The following ZFHX4 variants were observed in gnomAD, a reference collection of about 807,000 sequenced individuals.
ZFHX4 encodes zinc finger homeobox protein 4.
Under a neutral mutation model 267.6 loss-of-function variants are expected in ZFHX4, and 56 were observed. The ratio of observed to expected loss-of-function variants is 0.21; its 90% CI spans 0.17 to 0.26. The LOEUF (loss-of-function observed/expected upper bound fraction) is 0.26, where lower values mean the gene tolerates loss of function less well. Ranked by LOEUF, ZFHX4 falls within the 10% of genes least tolerant of loss-of-function variation. The pLI, the probability that ZFHX4 is intolerant of heterozygous loss-of-function variation, is 1.00. For missense variants in ZFHX4, 4,332 were observed against 4,420.0 expected, an observed-to-expected ratio of 0.98 and a Z score of 0.56; for synonymous variants, 1,778 against 1,665.6, an observed-to-expected ratio of 1.07 and a Z score of -1.64.
At chr8:76,731,978 A>T (rs1173315296) in intron 3 of ZFHX4, among the ~76,000 whole-genome samples, 2 of 151,684 alleles carry the variant, frequency 1.3e-5, no homozygotes, top group African/African-American at 4.8e-5. Flanking sequence ...AGTAACTGGG[A>T]CTACAGGTGT....
intron 3 of ZFHX4, among the ~76,000 whole-genome samples, chr8:76,776,561 A>G (rs1342989243): frequency 6.6e-6 from 1 of 152,184 alleles, no homozygotes; most frequent in Non-Finnish European, 1.5e-5. Flanking sequence ...TAAGGAAAGA[A>G]AAGCTTACCT....
chr8:76,850,999 T>G lies in ZFHX4; in HGVS notation c.4078T>G (p.Trp1360Gly). ...PTKEPLEVSE[W>G]NKNSSKDVKI... Reference sequence around the variant, plus strand: ...TAAAGAACCCTTGGAAGTCTCAGAATGGAATAAAAATAGCAGTAAGGATGT... The same window carrying G: ...TAAAGAACCCTTGGAAGTCTCAGAAGGGAATAAAAATAGCAGTAAGGATGT... The change falls in exon 10 of 11, where the codon TGG (tryptophan) becomes GGG (glycine). Residue 1360 changes from tryptophan to glycine, a missense_variant. Coordinates refer to ENST00000651372, the MANE Select transcript of ZFHX4 (RefSeq NM_024721.5). 6.2e-7 allele frequency: 1 copy of G among 1,613,702 alleles called. No homozygotes were observed. Among genetic ancestry groups the G allele is most frequent in the Non-Finnish European group, 8.5e-7 (1 of 1,179,818 alleles).
intron 4 of ZFHX4, among the ~76,000 whole-genome samples, chr8:76,815,764 G>A (rs1222690058): frequency 2.6e-5 from 4 of 152,236 alleles, no homozygotes; most frequent in East Asian, 1.9e-4. Flanking sequence ...GTCTCCCAAA[G>A]TGCTGAGATC....
chr8:76,804,528 A>G (rs1239795120), intron 4 of ZFHX4, among the ~76,000 whole-genome samples: 5 of 152,132 alleles, frequency 3.3e-5, no homozygotes, highest in African/African-American at 1.2e-4. Context: ...AAATCTATAT[A>G]CTGAAGAAAA....
intron 4 of ZFHX4, among the ~76,000 whole-genome samples, chr8:76,819,142 G>GTTTT (rs11361228): frequency 7.8e-6 from 1 of 127,614 alleles, no homozygotes; most frequent in African/African-American, 2.9e-5. Flanking sequence ...GCTCATAAAG[G>GTTTT]TTTTTTTTTT....
intron 4 of ZFHX4, among the ~76,000 whole-genome samples, chr8:76,830,761 A>T (rs1483092135): frequency 6.6e-6 from 1 of 152,186 alleles, no homozygotes; most frequent in African/African-American, 2.4e-5. Context: ...TTAAATCACT[A>T]TCAAATGAAG....
chr8:76,863,438 C>T lies in ZFHX4; in HGVS notation c.9724C>T (p.Gln3242Ter), dbSNP rs1323855559. 6.2e-7 allele frequency: 1 copy of T among 1,613,932 alleles called. No homozygotes were observed. The highest frequency in any genetic ancestry group is 8.5e-7 in the Non-Finnish European group (1 of 1,179,870). ...AGGTGAAACACATGTCGATCCTATT[C>T]AGTTGCAGGCATTACAGAATGCAAT... ...VVGETHVDPIQLQALQNAIAG... is the reference protein window; with the variant it reads ...VVGETHVDPI Residue 3242 changes from glutamine to a stop codon, truncating the protein, a stop_gained, in exon 11 of 11, where the codon CAG (glutamine) becomes TAG (stop). Coordinates refer to ENST00000651372, the MANE Select transcript of ZFHX4 (RefSeq NM_024721.5). LOFTEE classifies it high-confidence loss of function.
intron 4 of ZFHX4, among the ~76,000 whole-genome samples, chr8:76,780,447 T>A (rs1195410800): frequency 6.6e-6 from 1 of 152,072 alleles, no homozygotes; most frequent in Admixed American, 6.6e-5. Context: ...TAGGGAAAAA[T>A]TCTTGTAATA....
At chr8:76,843,300 C>A (rs1432535803) in intron 6 of ZFHX4, among the ~76,000 whole-genome samples, 2 of 152,054 alleles carry the variant, frequency 1.3e-5, no homozygotes, top group African/African-American at 4.8e-5. Flanking sequence ...GTATTTCAAA[C>A]AAAATCCAGT....
intron 3 of ZFHX4, among the ~76,000 whole-genome samples, chr8:76,766,694 G>A (rs1055833532): frequency 6.6e-5 from 10 of 151,866 alleles, no homozygotes; most frequent in Non-Finnish European, 1.2e-4. Flanking sequence ...ACATAGAGTG[G>A]AGGCTAGCAG....
intron 3 of ZFHX4, among the ~76,000 whole-genome samples, chr8:76,760,921 C>T (rs1338155547): frequency 2.3e-5 from 3 of 133,216 alleles, no homozygotes; most frequent in Admixed American, 1.5e-4. Context: ...AGGGCAAGAC[C>T]CTGCCTCAAA....
At chr8:76,835,209 G>GTATATATACGTATATATATATATA (rs1563548905) in intron 5 of ZFHX4, among the ~76,000 whole-genome samples, 3 of 46,482 alleles carry the variant, frequency 6.5e-5, no homozygotes, top group African/African-American at 3.5e-4. Context: ...TTGCTTTGGT[G>GTATATATACGTATATATATATATA]TATATATATG....
intron 4 of ZFHX4, among the ~76,000 whole-genome samples, chr8:76,817,687 G>A (rs976986415): frequency 6.6e-6 from 1 of 152,188 alleles, no homozygotes; most frequent in Non-Finnish European, 1.5e-5. Context: ...GGAGAGAAAA[G>A]GAGAAAGAAT....
intron 4 of ZFHX4, among the ~76,000 whole-genome samples, chr8:76,798,165 C>T (rs149967626): frequency 6.6e-6 from 1 of 152,052 alleles, no homozygotes; most frequent in African/African-American, 2.4e-5. Flanking sequence ...CAGATATAAA[C>T]GTGACCTTCA....
chr8:76,683,173 G>A (rs1256846604), intron 1 of ZFHX4: 1 of 152,044 alleles, frequency 6.6e-6, no homozygotes, highest in Admixed American at 6.6e-5. Flanking sequence ...TGAGGTTTTA[G>A]CTACCGTTCG....
intron 3 of ZFHX4, among the ~76,000 whole-genome samples, chr8:76,739,926 C>T (rs1809271171): frequency 6.6e-6 from 1 of 152,108 alleles, no homozygotes; most frequent in African/African-American, 2.4e-5. Context: ...CTTTCAGTCT[C>T]AGATTGCTAG....
intron 4 of ZFHX4, among the ~76,000 whole-genome samples, chr8:76,824,158 A>G (rs1811726033): frequency 6.6e-6 from 1 of 152,190 alleles, no homozygotes; most frequent in Non-Finnish European, 1.5e-5. Context: ...TATTTTATGC[A>G]TTTCCTATTG....
intron 1 of ZFHX4, among the ~76,000 whole-genome samples, chr8:76,701,093 A>G (rs2131599015): frequency 6.6e-6 from 1 of 152,306 alleles, no homozygotes; most frequent in East Asian, 1.9e-4. Flanking sequence ...TTAGCATCAT[A>G]TTCAGTGTCA....
intron 3 of ZFHX4, among the ~76,000 whole-genome samples, chr8:76,745,161 C>CA (rs1423202072): frequency 6.6e-6 from 1 of 152,106 alleles, no homozygotes; most frequent in Non-Finnish European, 1.5e-5. Context: ...GCTGGAGCAC[C>CA]ATGGGTATGA....
Sources: gnomAD v4.1 joint callset for allele counts (sites outside exome capture counted in the v4.1 genomes callset) on GRCh38, gnomAD v4.1.1 for gene constraint, MANE v1.5 for transcripts, NCBI Gene and HGNC (gene_info 2026-07-23, HGNC 2026-07-21) for gene names.